The following ST8SIA4 variants were observed in gnomAD, a reference collection of about 807,000 sequenced individuals.
ST8SIA4 encodes the protein ST8 alpha-N-acetyl-neuraminide alpha-2,8-sialyltransferase 4, also known as CMP-N-acetylneuraminate-poly-alpha-2,8-sialyltransferase.
In ST8SIA4, 15 loss-of-function variants were observed where a neutral mutation model predicts 33.9. The observed-to-expected ratio is 0.44, with a 90% CI of 0.30 to 0.68. The LOEUF is 0.68. ST8SIA4 is among the 30% of genes least tolerant of loss of function. The pLI, the probability that ST8SIA4 is intolerant of heterozygous loss-of-function variation, is 0.10. For missense variants in ST8SIA4, 321 were observed against 428.0 expected, an observed-to-expected ratio of 0.75 and a Z score of 2.21; for synonymous variants, 171 against 151.2, an observed-to-expected ratio of 1.13 and a Z score of -0.96.
At chr5:100,853,280 AT>A (rs1580463454) in intron 4 of ST8SIA4, among the ~76,000 whole-genome samples, 1 of 152,334 alleles carries the variant, frequency 6.6e-6, no homozygotes, top group Non-Finnish European at 1.5e-5. Context: ...ACATCAATGT[AT>A]TAGTTTCAAT....
At chr5:100,884,794 C>G (rs1207610449) in intron 3 of ST8SIA4, among the ~76,000 whole-genome samples, 1 of 152,154 alleles carries the variant, frequency 6.6e-6, no homozygotes, top group African/African-American at 2.4e-5. Flanking sequence ...GCCATCAGGC[C>G]TCTCTCATTA....
chr5:100,828,156 C>G (rs1751180192), intron 4 of ST8SIA4, among the ~76,000 whole-genome samples: 1 of 152,144 alleles, frequency 6.6e-6, no homozygotes, highest in Admixed American at 6.5e-5. Flanking sequence ...ATTACCTGTC[C>G]TGGGAGAGCC....
intron 4 of ST8SIA4, among the ~76,000 whole-genome samples, chr5:100,821,149 G>A (rs1242866271): frequency 6.6e-6 from 1 of 151,802 alleles, no homozygotes; most frequent in African/African-American, 2.4e-5. Context: ...ATTACTTTTT[G>A]AAAATCAAAA....
intron 2 of ST8SIA4, among the ~76,000 whole-genome samples, chr5:100,888,719 T>C (rs1233631128): frequency 6.6e-6 from 1 of 151,942 alleles, no homozygotes; most frequent in African/African-American, 2.4e-5. Flanking sequence ...ATAAGCATGA[T>C]TAGCAAAGAA....
intron 4 of ST8SIA4, among the ~76,000 whole-genome samples, chr5:100,823,005 C>A (rs1751062418): frequency 1.3e-5 from 2 of 152,010 alleles, no homozygotes; most frequent in South Asian, 4.2e-4. Flanking sequence ...GTGGCGGGCG[C>A]CTGTAGTCCC....
At chr5:100,892,350 T>G (rs1047209362) in intron 2 of ST8SIA4, among the ~76,000 whole-genome samples, 3 of 152,114 alleles carry the variant, frequency 2.0e-5, no homozygotes, top group African/African-American at 7.2e-5. Flanking sequence ...ATCAACAATA[T>G]TAAGGCTTAA....
chr5:100,819,618 G>A (rs537549356), intron 4 of ST8SIA4, among the ~76,000 whole-genome samples: 1 of 152,186 alleles, frequency 6.6e-6, no homozygotes, highest in Non-Finnish European at 1.5e-5. Context: ...ACGCAGAAGA[G>A]ACAGAAAATA....
intron 3 of ST8SIA4, among the ~76,000 whole-genome samples, chr5:100,872,515 T>C (rs1752217580): frequency 6.6e-6 from 1 of 152,060 alleles, no homozygotes; most frequent in Non-Finnish European, 1.5e-5. Context: ...TCAAGTATCA[T>C]GAGAGGGACC....
At chr5:100,830,329 G>A (rs538161184) in intron 4 of ST8SIA4, among the ~76,000 whole-genome samples, 4 of 152,282 alleles carry the variant, frequency 2.6e-5, no homozygotes, top group South Asian at 4.1e-4. Context: ...TTATTTCATC[G>A]TCAATAAAAT....
chr5:100,861,259 A>T (rs1270544551), intron 3 of ST8SIA4, among the ~76,000 whole-genome samples: 1 of 152,124 alleles, frequency 6.6e-6, no homozygotes, highest in East Asian at 1.9e-4. Context: ...TGATAGAAAT[A>T]CAAACAACAC....
chr5:100,818,827 A>G (rs539957115), intron 4 of ST8SIA4, among the ~76,000 whole-genome samples: 1 of 152,324 alleles, frequency 6.6e-6, no homozygotes, highest in South Asian at 2.1e-4. Flanking sequence ...TTTATGCTCA[A>G]TGATCACTAA....
chr5:100,812,543 A>G (rs952755884), intron 4 of ST8SIA4, among the ~76,000 whole-genome samples: 1 of 152,114 alleles, frequency 6.6e-6, no homozygotes, highest in Admixed American at 6.5e-5. Flanking sequence ...ATGCCTATAG[A>G]TTTTCAAAAT....
intron 3 of ST8SIA4, among the ~76,000 whole-genome samples, chr5:100,877,746 A>G (rs1752336872): frequency 6.6e-6 from 1 of 152,170 alleles, no homozygotes; most frequent in African/African-American, 2.4e-5. Context: ...GTGATTATGG[A>G]GAGCTTCTAT....
chr5:100,849,850 G>A (rs1751653255), intron 4 of ST8SIA4, among the ~76,000 whole-genome samples: 1 of 152,074 alleles, frequency 6.6e-6, no homozygotes, highest in South Asian at 2.1e-4. Context: ...AAACACTGTT[G>A]TAGGGCATGA....
chr5:100,844,055 C>T (rs1426217398), intron 4 of ST8SIA4, among the ~76,000 whole-genome samples: 6 of 151,852 alleles, frequency 4.0e-5, no homozygotes, highest in Non-Finnish European at 7.4e-5. Context: ...GGATGGCTCC[C>T]TAATTTGCCA....
At chr5:100,836,998 AC>A (rs34903996) in intron 4 of ST8SIA4, among the ~76,000 whole-genome samples, 1 of 16,152 alleles carries the variant, frequency 6.2e-5, no homozygotes, top group African/African-American at 9.8e-5. Flanking sequence ...GTGCTAAAAC[AC>A]ACACACACAC....
intron 3 of ST8SIA4, chr5:100,886,101 T>C (rs1752529409): frequency 7.8e-7 from 1 of 1,280,836 alleles, no homozygotes; most frequent in Non-Finnish European, 9.9e-7. Flanking sequence ...CCCCCTCACC[T>C]CACCAAAAAA....
chr5:100,868,862 T>G (rs1341734380), intron 3 of ST8SIA4, among the ~76,000 whole-genome samples: 1 of 152,094 alleles, frequency 6.6e-6, no homozygotes, highest in Non-Finnish European at 1.5e-5. Context: ...ACTGCTCTGG[T>G]GTAAAAGTAC....
At chr5:100,893,656 G>C (rs1245998879) in intron 2 of ST8SIA4, among the ~76,000 whole-genome samples, 1 of 151,998 alleles carries the variant, frequency 6.6e-6, no homozygotes, top group African/African-American at 2.4e-5. Context: ...TTTTTATATA[G>C]CTATTAGGAA....
Sources: allele counts gnomAD v4.1 joint callset (sites outside exome capture counted in the v4.1 genomes callset), GRCh38; gene constraint gnomAD v4.1.1; transcripts MANE v1.5; gene names NCBI Gene and HGNC (gene_info 2026-07-23, HGNC 2026-07-21).